Variants in PPFIA1 observed in about 807,000 individuals in gnomAD.
PPFIA1 encodes the protein PPFI scaffold protein A1.
A neutral mutation model predicts 149.9 loss-of-function variants in PPFIA1; 25 were observed. That is an observed-to-expected ratio of 0.17 (90% CI 0.12 to 0.23). PPFIA1 has a LOEUF of 0.23. Ranked by LOEUF, PPFIA1 falls within the 10% of genes least tolerant of loss-of-function variation. The pLI is 1.00. For synonymous variants in PPFIA1, 549 were observed against 552.8 expected, an observed-to-expected ratio of 0.99 and a Z score of 0.10; for missense variants, 1,362 against 1,506.5, an observed-to-expected ratio of 0.90 and a Z score of 1.59.
At position 70,378,140 on chromosome 11, in the gene PPFIA1, G is replaced by A. The variant is rs770901115; in HGVS notation, c.3495G>A (p.Arg1165=). The A allele has an allele frequency of 9.3e-6, 15 of 1,613,976 alleles. No individual in the cohort carries two copies. Among genetic ancestry groups the A allele is most frequent in the African/African-American group, 1.3e-5 (1 of 74,896 alleles). Residue 1165 remains arginine, a synonymous_variant, in exon 26 of 28, where the codon CGG becomes CGA. Coordinates refer to ENST00000253925, the MANE Select transcript of PPFIA1 (RefSeq NM_003626.5). ...GSAETLPANF[R]VTSSMSSPSM... ...CAGAGACTCTCCCTGCAAACTTCCG[G>A]GTGACTTCTTCTATGTCTTCCCCCT... is the stretch of plus-strand genomic sequence containing the variant.
At chr11:70,299,985 G>A (rs745852296) in intron 2 of PPFIA1, among the ~76,000 whole-genome samples, 88 of 151,984 alleles carry the variant, frequency 5.8e-4, no homozygotes, top group Non-Finnish European at 1.0e-3. Flanking sequence ...TACCGACTCC[G>A]TGTTTTGGCT....
intron 26 of PPFIA1, among the ~76,000 whole-genome samples, chr11:70,381,628 C>T (rs752823758): frequency 3.9e-5 from 6 of 152,184 alleles, no homozygotes; most frequent in Non-Finnish European, 7.3e-5. Context: ...TGGTCTTGTA[C>T]CCGACGTCGT....
chr11:70,282,078 T>G (rs1461535766), intron 2 of PPFIA1, among the ~76,000 whole-genome samples: 1 of 152,102 alleles, frequency 6.6e-6, no homozygotes, highest in Non-Finnish European at 1.5e-5. Context: ...TTGTCCAGTT[T>G]CTAATCAGAA....
chr11:70,362,266 T>G lies in PPFIA1; in HGVS notation c.2665-22T>G, dbSNP rs775104676. ...TAGACTGTACCTCACTGTGCTGCCT[T>G]CCTTCCGCTTTCCGCCTCCAGCTCT... On this transcript the variant is annotated intron_variant, in intron 20 of 27. Transcript: ENST00000253925. 3.1e-6 allele frequency: 5 copies of G among 1,613,978 alleles called. No individual in the cohort carries two copies. The Admixed American group carries it at 6.7e-5, about 22-fold the overall frequency.
At chr11:70,367,230 T>C (rs2056987717) in intron 21 of PPFIA1, among the ~76,000 whole-genome samples, 1 of 152,202 alleles carries the variant, frequency 6.6e-6, no homozygotes, top group African/African-American at 2.4e-5. Flanking sequence ...TGGAAGCTCG[T>C]ATCACTTTTC....
chr11:70,295,205 C>T (rs1168706945), intron 2 of PPFIA1, among the ~76,000 whole-genome samples: 5 of 148,030 alleles, frequency 3.4e-5, no homozygotes, highest in Admixed American at 2.7e-4. Flanking sequence ...ACCTCCCTCC[C>T]GGACGGGGTG....
chr11:70,346,406 A>G (rs1337404840), intron 15 of PPFIA1, among the ~76,000 whole-genome samples: 5 of 152,098 alleles, frequency 3.3e-5, no homozygotes, highest in East Asian at 3.8e-4. Flanking sequence ...AGAAACATCA[A>G]CAAGAGCTGT....
chr11:70,379,397 G>A (rs1205289204), intron 26 of PPFIA1, among the ~76,000 whole-genome samples: 2 of 151,986 alleles, frequency 1.3e-5, no homozygotes, highest in African/African-American at 2.4e-5. Context: ...GGCAGAGGGT[G>A]CAGTGAGCCG....
intron 2 of PPFIA1, among the ~76,000 whole-genome samples, chr11:70,296,250 C>G (rs1412680752): frequency 6.6e-6 from 1 of 152,054 alleles, no homozygotes; most frequent in Non-Finnish European, 1.5e-5. Flanking sequence ...GGCGGCCAGG[C>G]AGAGACGCTC....
intron 21 of PPFIA1, among the ~76,000 whole-genome samples, chr11:70,370,533 T>C (rs1401889700): frequency 1.3e-5 from 2 of 151,896 alleles, no homozygotes; most frequent in African/African-American, 2.4e-5. Context: ...ACTGCAGGCA[T>C]GTACCACCAT....
intron 19 of PPFIA1, among the ~76,000 whole-genome samples, chr11:70,357,876 C>G (rs948136682): frequency 6.6e-6 from 1 of 152,124 alleles, no homozygotes; most frequent in Admixed American, 6.5e-5. Flanking sequence ...CGTGAGCCAC[C>G]GCGCCCAGCC....
At chr11:70,311,108 G>A (rs1278856681) in intron 2 of PPFIA1, among the ~76,000 whole-genome samples, 2 of 152,124 alleles carry the variant, frequency 1.3e-5, no homozygotes, top group African/African-American at 2.4e-5. Flanking sequence ...TCGGGAGTTC[G>A]AGACCAGCCT....
intron 25 of PPFIA1, 86 bp from the exon 26 acceptor site, chr11:70,377,944 A>G: frequency 9.6e-7 from 1 of 1,036,326 alleles, no homozygotes. Flanking sequence ...TCTCGAGATC[A>G]GCAGTCATTT....
At chr11:70,358,724 C>T (rs2056481645) in intron 19 of PPFIA1, 1 of 152,158 alleles carries the variant, frequency 6.6e-6, no homozygotes, top group South Asian at 2.1e-4. Context: ...TTACAGAGAA[C>T]TTAAGGAATC....
At position 70,333,485 on chromosome 11, in the gene PPFIA1, G is replaced by C. The variant is rs1285436565; in HGVS notation, c.1228G>C (p.Gly410Arg). ...AALSKAEERH[G>R]NIEERLRQME... ...CTGCTGACAGGCTGAAGAGAGACACGGCAACATTGAAGAAAGGTTACGACA... is the reference window on the plus strand; with the variant it reads ...CTGCTGACAGGCTGAAGAGAGACACCGCAACATTGAAGAAAGGTTACGACA... The change falls in exon 10 of 28, where the codon GGC becomes CGC. Residue 410 changes from glycine to arginine, a missense_variant. Around this residue, in one of 7 missense-constraint regions of PPFIA1, gnomAD observed 733 missense variants for 744.1 expected, o/e 0.99. Transcript: ENST00000253925. 11 of 1,612,900 alleles carry C rather than the reference G, an allele frequency of 6.8e-6. No individual in the cohort carries two copies. The highest frequency in any genetic ancestry group is 7.6e-6 in the Non-Finnish European group (9 of 1,179,570).
At chr11:70,304,268 C>T (rs1394599818) in intron 2 of PPFIA1, among the ~76,000 whole-genome samples, 3 of 152,144 alleles carry the variant, frequency 2.0e-5, no homozygotes, top group African/African-American at 7.2e-5. Context: ...CTCTGCACCC[C>T]TTCCCACATA....
In PPFIA1 at chr11:70,383,402, T is replaced by C. The variant is rs1482779433; in HGVS notation, c.*412T>C. The C allele has an allele frequency of 5.5e-6, 1 of 180,614 alleles. No homozygotes were observed. The highest frequency in any genetic ancestry group is 1.1e-5 in the Non-Finnish European group (1 of 87,440). The allele number at this position is 180,614 out of a possible 1,614,324, so 11.2% of individuals were successfully genotyped here. A position where few individuals can be genotyped will look rare whatever the true frequency, so the allele number is the denominator to read the frequency against. ...ATTGTAATTATCATTAATTTTTTAA[T>C]GATAAACCATGACAAAGGATTTTAC... On this transcript the variant is annotated 3_prime_UTR_variant, in exon 28 of 28. Coordinates refer to ENST00000253925, the MANE Select transcript of PPFIA1 (RefSeq NM_003626.5).
chr11:70,297,787 C>T (rs1346034727), intron 2 of PPFIA1, among the ~76,000 whole-genome samples: 1 of 152,164 alleles, frequency 6.6e-6, no homozygotes, highest in Non-Finnish European at 1.5e-5. Context: ...AGGTTGTCAC[C>T]AGCAGATGCA....
chr11:70,352,039 TGCCCCTGTTTGAAACCC>T (rs1236434125), intron 16 of PPFIA1, among the ~76,000 whole-genome samples: 1 of 152,202 alleles, frequency 6.6e-6, no homozygotes, highest in Non-Finnish European at 1.5e-5. Context: ...CTGTATTCTG[TGCCCCTGTTTGAAACCC>T]GCCTGATGGT....
Sources: gnomAD v4.1 joint callset for allele counts (sites outside exome capture counted in the v4.1 genomes callset) on GRCh38, gnomAD v4.1.1 for gene constraint, gnomAD v4.1.1 regional missense constraint, MANE v1.5 for transcripts, NCBI Gene and HGNC (gene_info 2026-07-23, HGNC 2026-07-21) for gene names.